Variants in DISC1 observed in about 807,000 individuals in gnomAD.
The protein encoded by DISC1 is disrupted in schizophrenia 1 protein.
Under a neutral mutation model 84.5 loss-of-function variants are expected in DISC1, and 57 were observed. That is an observed-to-expected ratio of 0.67 (90% CI 0.55 to 0.84). The LOEUF (loss-of-function observed/expected upper bound fraction) is 0.84. Among genes scored for constraint, DISC1 ranks in the 40% least tolerant of loss-of-function variants. DISC1 has a pLI of 0.00. For synonymous variants in DISC1, 411 were observed against 415.2 expected (o/e 0.99, Z 0.12); for missense variants, 1,000 against 1,057.8 (o/e 0.95, Z 0.76).
At chr1:231,995,191 A>G (rs1454089484) in intron 10 of DISC1, among the ~76,000 whole-genome samples, 1 of 152,114 alleles carries the variant, frequency 6.6e-6, no homozygotes, top group Non-Finnish European at 1.5e-5. Flanking sequence ...TTGCCCAGGG[A>G]AAAACATGCC....
At position 231,947,752 on chromosome 1, in the gene DISC1, A is replaced by C. The variant is rs193240113; in HGVS notation, c.1982-11076A>C. On this transcript the variant is annotated intron_variant, in intron 9 of 12. Coordinates refer to ENST00000439617, the MANE Select transcript of DISC1 (RefSeq NM_018662.3). Reference sequence around the variant, plus strand: ...TCAGAATCTACAAAGAACTTAAACAAATTTACCAGTAAAAAACAAATAGCC... The same window carrying C: ...TCAGAATCTACAAAGAACTTAAACACATTTACCAGTAAAAAACAAATAGCC... 6.4e-4 allele frequency among the ~76,000 whole-genome samples: 98 copies of C among 152,366 alleles called. 1 individual carries two copies. Among genetic ancestry groups the C allele is most frequent in the East Asian group, 5.4e-3 (28 of 5,192 alleles).
intron 8 of DISC1, among the ~76,000 whole-genome samples, chr1:231,803,814 G>A (rs1471505925): frequency 6.6e-6 from 1 of 152,032 alleles, no homozygotes; most frequent in Non-Finnish European, 1.5e-5. Context: ...TAGGCGTCAT[G>A]GCGGGCGCCT....
At chr1:231,928,295 T>G (rs200841034) in intron 9 of DISC1, among the ~76,000 whole-genome samples, 3 of 152,238 alleles carry the variant, frequency 2.0e-5, no homozygotes, top group African/African-American at 4.8e-5. Flanking sequence ...ATAATGTTCT[T>G]GTCCTGTTGG....
chr1:231,883,721 T>C (rs1181615386), intron 9 of DISC1, among the ~76,000 whole-genome samples: 8 of 151,970 alleles, frequency 5.3e-5, no homozygotes. Context: ...AGGATGAGGA[T>C]TTCAGGATGA....
At chr1:231,809,941 CTTAT>C (rs1164424465) in intron 8 of DISC1, among the ~76,000 whole-genome samples, 1 of 151,984 alleles carries the variant, frequency 6.6e-6, no homozygotes, top group Non-Finnish European at 1.5e-5. Context: ...AAGAATTTTG[CTTAT>C]TTGTTATTAA....
chr1:231,763,033 G>A (rs1353850123), intron 4 of DISC1, among the ~76,000 whole-genome samples: 2 of 152,210 alleles, frequency 1.3e-5, no homozygotes, highest in Non-Finnish European at 2.9e-5. Context: ...TCTCCACGTT[G>A]CACTGCCCTG....
chr1:231,657,577 T>C (rs2061213309), intron 1 of DISC1, among the ~76,000 whole-genome samples: 1 of 152,228 alleles, frequency 6.6e-6, no homozygotes, highest in African/African-American at 2.4e-5. Context: ...CTGAATGGTA[T>C]TGCCTTGGTT....
At chr1:231,888,137 A>G (rs1490505636) in intron 9 of DISC1, among the ~76,000 whole-genome samples, 1 of 152,212 alleles carries the variant, frequency 6.6e-6, no homozygotes, top group Non-Finnish European at 1.5e-5. Context: ...TAATCCCCTA[A>G]AAATAGTTAC....
Position 231,638,024 on chromosome 1 carries a change from T to A in DISC1, c.67+11090T>A, listed in dbSNP as rs139467045. Among the ~76,000 whole-genome samples, 17 of 152,360 alleles carry A rather than the reference T, an allele frequency of 1.1e-4. No homozygotes were observed. The East Asian group carries it at 2.9e-3, about 26-fold the overall frequency. On this transcript the variant is annotated intron_variant, in intron 1 of 12. Coordinates refer to ENST00000439617, the MANE Select transcript of DISC1 (RefSeq NM_018662.3). The stretch of plus-strand genomic sequence containing the variant: ...TCTTCAATATCTGTTATTTTTTGAC[T>A]TTTTAATAATGGCCATTCTGACTGG...
intron 6 of DISC1, among the ~76,000 whole-genome samples, chr1:231,775,012 C>A (rs1463989567): frequency 6.6e-6 from 1 of 152,204 alleles, no homozygotes; most frequent in Non-Finnish European, 1.5e-5. Context: ...ATAGGCTCTT[C>A]TTAGGCCAGA....
At chr1:231,766,649 C>A (rs541748868) in intron 4 of DISC1, among the ~76,000 whole-genome samples, 5 of 152,282 alleles carry the variant, frequency 3.3e-5, no homozygotes, top group African/African-American at 7.2e-5. Context: ...TACTCCTAAT[C>A]ATTTGAATAA....
chr1:231,906,868 C>A (rs903695407), intron 9 of DISC1, among the ~76,000 whole-genome samples: 1 of 152,138 alleles, frequency 6.6e-6, no homozygotes, highest in East Asian at 1.9e-4. Flanking sequence ...TTTATATCCT[C>A]CCAGTCAATC....
At chr1:231,912,448 C>G (rs946896082) in intron 9 of DISC1, among the ~76,000 whole-genome samples, 1 of 152,208 alleles carries the variant, frequency 6.6e-6, no homozygotes, top group Non-Finnish European at 1.5e-5. Context: ...GAGGTCCACT[C>G]CAGACCCTGT....
rs1443090287 is a variant in DISC1, at chr1:231,840,805, A to G, written c.1981+22288A>G. 2.6e-5 allele frequency among the ~76,000 whole-genome samples: 4 copies of G among 152,010 alleles called. No homozygotes were observed. In the East Asian group the frequency reaches 5.8e-4, roughly 22 times the overall value. Reference sequence around the variant, plus strand: ...TCACTGCAAGCTCCGCCTCAGCCCAAGGGAATTCTTTAGGGGCCTTGGGAT... The same window carrying G: ...TCACTGCAAGCTCCGCCTCAGCCCAGGGGAATTCTTTAGGGGCCTTGGGAT... On this transcript the variant is annotated intron_variant, in intron 9 of 12. Coordinates refer to ENST00000439617, the MANE Select transcript of DISC1 (RefSeq NM_018662.3).
At chr1:231,984,290 G>C (rs1664082655) in intron 10 of DISC1, among the ~76,000 whole-genome samples, 3 of 152,178 alleles carry the variant, frequency 2.0e-5, no homozygotes, top group African/African-American at 7.2e-5. Context: ...AAAACGTGGA[G>C]AATACAACAC....
chr1:231,859,683 C>G (rs1260034933), intron 9 of DISC1, among the ~76,000 whole-genome samples: 2 of 152,240 alleles, frequency 1.3e-5, no homozygotes, highest in East Asian at 3.9e-4. Context: ...TCTCTTCTGG[C>G]TTTTTCTGAA....
intron 12 of DISC1, among the ~76,000 whole-genome samples, chr1:232,030,370 A>G (rs914924475): frequency 6.6e-6 from 1 of 152,218 alleles, no homozygotes; most frequent in African/African-American, 2.4e-5. Flanking sequence ...AATTTCTACA[A>G]CACACTTTCA....
At chr1:231,790,711 G>A (rs888112092) in intron 6 of DISC1, among the ~76,000 whole-genome samples, 1 of 151,832 alleles carries the variant, frequency 6.6e-6, no homozygotes, top group Non-Finnish European at 1.5e-5. Flanking sequence ...GTAGAGACGG[G>A]GTTTCACCGT....
chr1:231,702,247 G>A, intron 3 of DISC1: 1 of 1,243,380 alleles, frequency 8.0e-7, no homozygotes, highest in Non-Finnish European at 1.0e-6. Flanking sequence ...CTTATCAATT[G>A]TCCAGAAACA....
Sources: gnomAD v4.1 joint callset for allele counts (sites outside exome capture counted in the v4.1 genomes callset) on GRCh38, gnomAD v4.1.1 for gene constraint, MANE v1.5 for transcripts, NCBI Gene and HGNC (gene_info 2026-07-23, HGNC 2026-07-21) for gene names.